ESRRB: variants seen among roughly 807,000 people sequenced by gnomAD.
ESRRB encodes the protein steroid hormone receptor ERR2.
A neutral mutation model predicts 46.0 loss-of-function variants in ESRRB; 16 were observed. The ratio of observed to expected loss-of-function variants is 0.35; its 90% CI spans 0.24 to 0.53. The LOEUF is 0.53. ESRRB is among the 20% of genes least tolerant of loss of function. The pLI, the probability that ESRRB is intolerant of heterozygous loss-of-function variation, is 0.93. For synonymous variants in ESRRB, 246 were observed against 259.6 expected (o/e 0.95, Z 0.50); for missense variants, 488 against 607.4 (o/e 0.80, Z 2.07).
intron 1 of ESRRB, among the ~76,000 whole-genome samples, chr14:76,390,019 G>A (rs1299320805): frequency 6.6e-6 from 1 of 152,060 alleles, no homozygotes; most frequent in Non-Finnish European, 1.5e-5. Context: ...ACGGAAATTG[G>A]CAAATGCTAC....
At position 76,365,485 on chromosome 14, in the gene ESRRB, AAAC is replaced by A. The variant is rs1884509394; in HGVS notation, c.2+54572_2+54574del. Among the ~76,000 whole-genome samples, 4 of 139,492 alleles carry A rather than the reference AAAC, an allele frequency of 2.9e-5. No individual in the cohort carries two copies. In the East Asian group the frequency reaches 1.0e-3, roughly 35 times the overall value. The allele number at this position is 139,492 out of a possible 152,430, so 91.5% of individuals were successfully genotyped here. On this transcript the variant is annotated intron_variant, in intron 1 of 6. Transcript: ENST00000512784. Reference sequence around the variant, plus strand: ...CAGAACAAGATCCTGTCTCCAAAACAAACAAACAAACAAACAAACAAGCCCCCC... The same window carrying A: ...CAGAACAAGATCCTGTCTCCAAAACAAAACAAACAAACAAACAAGCCCCCC...
chr14:76,476,083 T>G (rs1015242955), intron 3 of ESRRB, among the ~76,000 whole-genome samples: 1 of 151,800 alleles, frequency 6.6e-6, no homozygotes, highest in Admixed American at 6.6e-5. Context: ...TTTTTTTTAT[T>G]AATTTTTTTT....
chr14:76,404,707 T>C (rs901501446), intron 1 of ESRRB, among the ~76,000 whole-genome samples: 2 of 152,188 alleles, frequency 1.3e-5, no homozygotes, highest in Non-Finnish European at 2.9e-5. Context: ...AAAATACACT[T>C]AATGATGGTT....
chr14:76,456,558 G>A (rs1888624389), intron 2 of ESRRB, among the ~76,000 whole-genome samples: 2 of 152,140 alleles, frequency 1.3e-5, no homozygotes, highest in African/African-American at 2.4e-5. Context: ...GGGTAGATAT[G>A]GAAAAATCCA....
At chr14:76,384,144 G>A (rs1270888882) in intron 1 of ESRRB, among the ~76,000 whole-genome samples, 3 of 152,038 alleles carry the variant, frequency 2.0e-5, no homozygotes, top group Non-Finnish European at 2.9e-5. Context: ...CATGCAGAGC[G>A]CAGTATTTAT....
chr14:76,499,827 C>A lies in ESRRB; in HGVS notation c.*1369C>A. ...ATGGCCGTGAAAGTTTTCACTAACT[C>A]AAGGGGCAGCCCTGAACACCCATTT... On this transcript the variant is annotated 3_prime_UTR_variant, in exon 7 of 7. Transcript: ENST00000644823. 1 of 1,579,784 alleles carries A rather than the reference C, an allele frequency of 6.3e-7. No homozygotes were observed. The highest frequency in any genetic ancestry group is 1.1e-5 in the South Asian group (1 of 90,368).
chr14:76,377,244 C>A (rs1288520577), intron 1 of ESRRB, among the ~76,000 whole-genome samples: 2 of 152,252 alleles, frequency 1.3e-5, no homozygotes, highest in Non-Finnish European at 2.9e-5. Context: ...GGGTCTCCAG[C>A]CCCGGGGCAG....
chr14:76,501,814 G>T lies in ESRRB; in HGVS notation c.*3356G>T, dbSNP rs1890668627. 6.6e-6 allele frequency: 1 copy of T among 152,102 alleles called. No individual in the cohort carries two copies. 9.4% of individuals were successfully genotyped at this position (152,102 alleles called of 1,614,324 possible). Reference sequence around the variant, plus strand: ...CTTCCATCCTGGTCCCATGTATCTGGAATCTAATAAATAAGGAAAGGAACT... The same window carrying T: ...CTTCCATCCTGGTCCCATGTATCTGTAATCTAATAAATAAGGAAAGGAACT... On this transcript the variant is annotated 3_prime_UTR_variant, in exon 7 of 7. Coordinates refer to ENST00000644823, the MANE Select transcript of ESRRB (RefSeq NM_001379180.1).
At chr14:76,431,595 G>A (rs1887448510) in intron 1 of ESRRB, among the ~76,000 whole-genome samples, 1 of 152,180 alleles carries the variant, frequency 6.6e-6, no homozygotes, top group Admixed American at 6.5e-5. Context: ...GATGAGTTGG[G>A]GCACGAGGGA....
intron 2 of ESRRB, among the ~76,000 whole-genome samples, chr14:76,447,351 A>G (rs146847264): frequency 1.3e-5 from 2 of 149,770 alleles, no homozygotes; most frequent in African/African-American, 2.5e-5. Flanking sequence ...TGTAAAATAT[A>G]TATCTCCTCT....
intron 2 of ESRRB, among the ~76,000 whole-genome samples, chr14:76,460,792 C>G (rs933205851): frequency 1.3e-5 from 2 of 151,424 alleles, no homozygotes; most frequent in East Asian, 3.8e-4. Flanking sequence ...ACCTCCGCCT[C>G]ATGGGTTCAA....
intron 1 of ESRRB, among the ~76,000 whole-genome samples, chr14:76,419,409 A>C (rs1886845745): frequency 6.6e-6 from 1 of 152,132 alleles, no homozygotes; most frequent in South Asian, 2.1e-4. Context: ...CCCCCTACCC[A>C]CTAAGTGACA....
chr14:76,414,668 TAAAAAAAAAA>T (rs71452810), intron 1 of ESRRB, among the ~76,000 whole-genome samples: 7 of 116,846 alleles, frequency 6.0e-5, no homozygotes, highest in Admixed American at 1.8e-4. Context: ...GTTTGTTCCT[TAAAAAAAAAA>T]AAAAAAAAAA....
upstream of ESRRB, among the ~76,000 whole-genome samples, chr14:76,369,399 G>A (rs1267168526): frequency 4.7e-5 from 7 of 150,120 alleles, no homozygotes; most frequent in South Asian, 6.4e-4. Flanking sequence ...TAAGCCTCCC[G>A]AGTAGCTGGG....
intron 1 of ESRRB, among the ~76,000 whole-genome samples, chr14:76,332,736 T>TTATATATATTA (rs1245888376): frequency 6.5e-5 from 1 of 15,358 alleles, no homozygotes; most frequent in Admixed American, 1.6e-3. Flanking sequence ...TATTTATATA[T>TTATATATATTA]TATATATTTA....
rs1284417334 is a variant in ESRRB, at chr14:76,498,647, G to A, written c.*189G>A. 1 of 1,163,870 alleles carries A rather than the reference G, an allele frequency of 8.6e-7. No individual in the cohort carries two copies. The highest frequency in any genetic ancestry group is 1.4e-5 in the South Asian group (1 of 73,680). 72.1% of individuals were successfully genotyped at this position (1,163,870 alleles called of 1,614,324 possible). On this transcript the variant is annotated 3_prime_UTR_variant, in exon 7 of 7. Coordinates refer to ENST00000644823, the MANE Select transcript of ESRRB (RefSeq NM_001379180.1). Reference sequence around the variant, plus strand: ...GTGCAGTGGGGTGGGGGACGGGGATGGGGGGGCAGGGGTGTGGGGCTCGAC... The same window carrying A: ...GTGCAGTGGGGTGGGGGACGGGGATAGGGGGGCAGGGGTGTGGGGCTCGAC...
At chr14:76,487,567 C>G (rs1329559884) in intron 5 of ESRRB, among the ~76,000 whole-genome samples, 1 of 151,084 alleles carries the variant, frequency 6.6e-6, no homozygotes, top group Non-Finnish European at 1.5e-5. Context: ...ACATTTATCT[C>G]TATGTCTTTA....
chr14:76,391,597 C>T (rs1016855609), intron 1 of ESRRB, among the ~76,000 whole-genome samples: 7 of 152,246 alleles, frequency 4.6e-5, no homozygotes, highest in African/African-American at 1.7e-4. Flanking sequence ...GCCCTTCCTT[C>T]CCACCTCACT....
intron 1 of ESRRB, among the ~76,000 whole-genome samples, chr14:76,318,843 C>T (rs933540513): frequency 3.3e-5 from 5 of 152,228 alleles, no homozygotes; most frequent in Non-Finnish European, 5.9e-5. Flanking sequence ...GTCCCCCGGA[C>T]AGCTTGCCAG....
Sources: allele counts gnomAD v4.1 joint callset (sites outside exome capture counted in the v4.1 genomes callset), GRCh38; gene constraint gnomAD v4.1.1; transcripts MANE v1.5; gene names NCBI Gene and HGNC (gene_info 2026-07-23, HGNC 2026-07-21).